The following CD99L2 variants were observed in gnomAD, a reference collection of about 807,000 sequenced individuals.
CD99L2 encodes the protein CD99 antigen-like protein 2.
Under a neutral mutation model 27.3 loss-of-function variants are expected in CD99L2, and 24 were observed. The ratio of observed to expected loss-of-function variants is 0.88; its 90% CI spans 0.64 to 1.24. The LOEUF (loss-of-function observed/expected upper bound fraction) is 1.24. Ranked by LOEUF, CD99L2 falls within the 50% of genes most tolerant of loss-of-function variation. CD99L2 has a pLI of 0.00. For missense variants in CD99L2, 255 were observed against 221.6 expected, an observed-to-expected ratio of 1.15 and a Z score of -0.96; for synonymous variants, 97 against 87.9, an observed-to-expected ratio of 1.10 and a Z score of -0.58.
chrX:150,787,888 G>GTATATATATATATATA (rs527795783), intron 7 of CD99L2, among the ~76,000 whole-genome samples: 46 of 63,850 alleles, frequency 7.2e-4, no homozygotes, highest in African/African-American at 1.5e-3. Flanking sequence ...AGAACTTAAA[G>GTATATATATATATATA]TATATATATA....
Position 150,768,775 on chromosome X carries a change from G to C in CD99L2, c.*259C>G, listed in dbSNP as rs929987495. ...TGGAGGCAGGCTGGCTTTGGGAGTT[G>C]GTGGCTCAGCAGCTCCCGAGGCTGG... On this transcript the variant is annotated 3_prime_UTR_variant, in exon 11 of 11. Transcript: ENST00000370377. 1 of 579,358 alleles carries C rather than the reference G, an allele frequency of 1.7e-6. No homozygotes were observed. The highest frequency in any genetic ancestry group is 2.4e-6 in the Non-Finnish European group (1 of 420,932). The allele number at this position is 579,358 out of a possible 1,213,427, so 47.7% of individuals were successfully genotyped here.
intron 1 of CD99L2, among the ~76,000 whole-genome samples, chrX:150,864,946 G>A (rs2047036296): frequency 9.1e-6 from 1 of 109,749 alleles, no homozygotes; most frequent in Non-Finnish European, 1.9e-5. Context: ...CACACCTGTG[G>A]TCCCAGCTAC....
At chrX:150,803,461 G>A (rs1330677642) in intron 4 of CD99L2, among the ~76,000 whole-genome samples, 2 of 111,591 alleles carry the variant, frequency 1.8e-5, no homozygotes, top group Non-Finnish European at 3.8e-5. Context: ...AAAGGCACAG[G>A]CCCTAGAAGA....
At chrX:150,803,836 C>A (rs2045955408) in intron 4 of CD99L2, among the ~76,000 whole-genome samples, 1 of 111,954 alleles carries the variant, frequency 8.9e-6, no homozygotes, top group Non-Finnish European at 1.9e-5. Context: ...TAAAAAAAAT[C>A]TTTGGGACTG....
At chrX:150,858,498 T>C (rs1557421815) in intron 1 of CD99L2, among the ~76,000 whole-genome samples, 1 of 112,555 alleles carries the variant, frequency 8.9e-6, no homozygotes. Flanking sequence ...TCATATCAAA[T>C]ATCTTCTCAG....
chrX:150,814,844 C>T lies in CD99L2; in HGVS notation c.277+18G>A. 8.5e-7 allele frequency: 1 copy of T among 1,172,770 alleles called. No homozygotes were observed. The highest frequency in any genetic ancestry group is 1.2e-6 in the Non-Finnish European group (1 of 860,537). On this transcript the variant is annotated intron_variant, in intron 4 of 10. Coordinates refer to ENST00000370377, the MANE Select transcript of CD99L2 (RefSeq NM_031462.4). ...ATGAGACAGAATCCTGTAGTAGTTTCAACCAGCAAAGACTTACCTCTTCCT... is the reference window on the plus strand; with the variant it reads ...ATGAGACAGAATCCTGTAGTAGTTTTAACCAGCAAAGACTTACCTCTTCCT...
At chrX:150,871,964 G>A (rs139680043) in intron 1 of CD99L2, among the ~76,000 whole-genome samples, 86 of 111,855 alleles carry the variant, frequency 7.7e-4, no homozygotes, top group African/African-American at 2.6e-3. Context: ...TGGGCACAAC[G>A]GCTCACCTGT....
chrX:150,813,262 G>T (rs782450634), intron 4 of CD99L2, among the ~76,000 whole-genome samples: 21 of 111,902 alleles, frequency 1.9e-4, no homozygotes, highest in Non-Finnish European at 3.8e-4. Flanking sequence ...TTGAATAAAT[G>T]CATAGATTAT....
intron 1 of CD99L2, among the ~76,000 whole-genome samples, chrX:150,846,020 G>A (rs972838129): frequency 2.7e-5 from 3 of 110,749 alleles, no homozygotes; most frequent in East Asian, 2.8e-4. Flanking sequence ...GCGAAACCCC[G>A]TCTCTACTAA....
chrX:150,862,848 G>T (rs1180605152), intron 1 of CD99L2, among the ~76,000 whole-genome samples: 1 of 105,047 alleles, frequency 9.5e-6, no homozygotes, highest in East Asian at 2.9e-4. Flanking sequence ...GAGAGAGAGA[G>T]AGAGAGACAG....
At position 150,830,512 on chromosome X, in the gene CD99L2, G is replaced by A. The variant is rs184871443; in HGVS notation, c.130+719C>T. 5.0e-4 allele frequency among the ~76,000 whole-genome samples: 55 copies of A among 110,727 alleles called. No individual in the cohort carries two copies. In the East Asian group the frequency reaches 8.0e-3, roughly 16 times the overall value. On this transcript the variant is annotated intron_variant, in intron 2 of 10. Transcript: ENST00000370377. ...GGCTACAGTAAAGCTAAGATGGTGC[G>A]TGCCACTGTACTCCAGCTTGGGCAA...
At chrX:150,772,999 C>T (rs1402168706) in intron 9 of CD99L2, among the ~76,000 whole-genome samples, 1 of 112,441 alleles carries the variant, frequency 8.9e-6, no homozygotes, top group Non-Finnish European at 1.9e-5. Flanking sequence ...CTCACACTGG[C>T]CCGTTTTAGG....
At position 150,777,501 on chromosome X, in the gene CD99L2, C is replaced by T; in HGVS notation, c.497-19G>A. On this transcript the variant is annotated intron_variant, in intron 7 of 10. Coordinates refer to ENST00000370377, the MANE Select transcript of CD99L2 (RefSeq NM_031462.4). Reference sequence around the variant, plus strand: ...CCATCACCTGAAGAAAAGACAAAAGCACTTAGTGCCAGCGACCAGCCAGCT... The same window carrying T: ...CCATCACCTGAAGAAAAGACAAAAGTACTTAGTGCCAGCGACCAGCCAGCT... 1 of 1,208,088 alleles carries T rather than the reference C, an allele frequency of 8.3e-7. No homozygotes were observed.
chrX:150,771,439 G>A (rs1171514978), intron 9 of CD99L2, among the ~76,000 whole-genome samples: 13 of 112,311 alleles, frequency 1.2e-4, no homozygotes, highest in Admixed American at 4.7e-4. Context: ...GGGGCCAGGA[G>A]ACACACCCTG....
Position 150,766,565 on chromosome X carries a change from C to G in CD99L2, c.*2469G>C, listed in dbSNP as rs1178546644. ...CCGCCCAGCTTTATCTTTCCTTGAG[C>G]TGTGACTTCACCCAGCATGTGCTCA... On this transcript the variant is annotated 3_prime_UTR_variant, in exon 11 of 11. Transcript: ENST00000370377. 2.7e-5 allele frequency: 3 copies of G among 110,236 alleles called. No homozygotes were observed. The highest frequency in any genetic ancestry group is 1.0e-4 in the African/African-American group (3 of 29,134). The allele number at this position is 110,236 out of a possible 1,213,427, so 9.1% of individuals were successfully genotyped here.
intron 2 of CD99L2, among the ~76,000 whole-genome samples, chrX:150,822,277 A>G (rs782805513): frequency 1.3e-3 from 148 of 112,414 alleles, no homozygotes; most frequent in African/African-American, 4.1e-3. Context: ...ACAAAAGGCT[A>G]CATGCTGTCC....
chrX:150,770,040 T>TCGGACGGA (rs1300145654), intron 10 of CD99L2, among the ~76,000 whole-genome samples: 3 of 112,945 alleles, frequency 2.7e-5, no homozygotes, highest in Non-Finnish European at 5.6e-5. Context: ...GGGCTCTGGC[T>TCGGACGGA]CGGACGGACG....
chrX:150,793,895 C>T lies in CD99L2; in HGVS notation c.431-139G>A, dbSNP rs1054979457. 425 of 430,056 alleles carry T rather than the reference C, an allele frequency of 9.9e-4. 1 individual carries two copies. The highest frequency in any genetic ancestry group is 1.1e-3 in the Non-Finnish European group (303 of 264,240). The allele number at this position is 430,056 out of a possible 1,213,427, so 35.4% of individuals were successfully genotyped here. A position where few individuals can be genotyped will look rare whatever the true frequency, so the allele number is the denominator to read the frequency against. On this transcript the variant is annotated intron_variant, in intron 6 of 10. Transcript: ENST00000370377. ...CCCTTCATGAAATTCTAAGAGGTCC[C>T]CCCAGACCCCCTCCCACTGGTGTAC...
intron 1 of CD99L2, among the ~76,000 whole-genome samples, chrX:150,870,403 T>C (rs2047138427): frequency 8.9e-6 from 1 of 111,876 alleles, no homozygotes; most frequent in Non-Finnish European, 1.9e-5. Flanking sequence ...AATGCCTTCA[T>C]GGTACTAAAC....
Sources: gnomAD v4.1 joint callset for allele counts (sites outside exome capture counted in the v4.1 genomes callset) on GRCh38, gnomAD v4.1.1 for gene constraint, MANE v1.5 for transcripts, NCBI Gene and HGNC (gene_info 2026-07-23, HGNC 2026-07-21) for gene names.